RALGAPA2: variants seen among roughly 807,000 people sequenced by gnomAD.
The protein encoded by RALGAPA2 is ral GTPase-activating protein subunit alpha-2.
In RALGAPA2, 139 loss-of-function variants were observed where a neutral mutation model predicts 230.4. That is an observed-to-expected ratio of 0.60 (90% CI 0.53 to 0.69). The LOEUF is 0.69. Ranked by LOEUF, RALGAPA2 falls within the 30% of genes least tolerant of loss-of-function variation. The pLI, the probability that RALGAPA2 is intolerant of heterozygous loss-of-function variation, is 0.00. For missense variants in RALGAPA2, 2,163 were observed against 2,276.0 expected, an observed-to-expected ratio of 0.95 and a Z score of 1.01; for synonymous variants, 847 against 837.8, an observed-to-expected ratio of 1.01 and a Z score of -0.19.
Position 20,680,758 on chromosome 20 carries a change from G to C in RALGAPA2, c.150C>G (p.Asn50Lys), listed in dbSNP as rs931417635. The C allele has an allele frequency of 1.9e-6, 3 of 1,587,230 alleles. No individual in the cohort carries two copies. Among genetic ancestry groups the C allele is most frequent in the African/African-American group, 2.7e-5 (2 of 73,390 alleles). ...ANDLKQFFET[N>K]YSQIYFIFYE... ...AGAAGATGAAATATATCTGAGAATAGTTGGTCTCAAAAAACTGCTTAAGAT... is the reference window on the plus strand; with the variant it reads ...AGAAGATGAAATATATCTGAGAATACTTGGTCTCAAAAAACTGCTTAAGAT... Residue 50 changes from asparagine to lysine, a missense_variant, in exon 2 of 40, where the codon AAC (asparagine) becomes AAG (lysine). Coordinates refer to ENST00000202677, the MANE Select transcript of RALGAPA2 (RefSeq NM_020343.4).
intron 37 of RALGAPA2, among the ~76,000 whole-genome samples, chr20:20,423,382 C>T (rs560057290): frequency 6.6e-6 from 1 of 152,214 alleles, no homozygotes; most frequent in Non-Finnish European, 1.5e-5. Context: ...CCACCCCCAC[C>T]CCCACCAGAG....
intron 24 of RALGAPA2, among the ~76,000 whole-genome samples, chr20:20,541,985 G>A (rs767007117): frequency 7.2e-5 from 11 of 152,158 alleles, no homozygotes; most frequent in Non-Finnish European, 1.3e-4. Flanking sequence ...GTTTGCAGAT[G>A]ACATGATTGT....
chr20:20,700,025 C>T (rs1325017603), intron 1 of RALGAPA2, among the ~76,000 whole-genome samples: 1 of 152,034 alleles, frequency 6.6e-6, no homozygotes, highest in Admixed American at 6.6e-5. Flanking sequence ...CATTGCCATG[C>T]GATTCACAAC....
At chr20:20,693,145 C>T (rs1463442563) in intron 1 of RALGAPA2, among the ~76,000 whole-genome samples, 1 of 152,160 alleles carries the variant, frequency 6.6e-6, no homozygotes, top group African/African-American at 2.4e-5. Flanking sequence ...TAAATAGTAA[C>T]ACTCCATTAT....
intron 3 of RALGAPA2, among the ~76,000 whole-genome samples, chr20:20,657,172 C>G (rs115516993): frequency 6.6e-6 from 1 of 152,170 alleles, no homozygotes; most frequent in South Asian, 2.1e-4. Context: ...AGGGAAAAGA[C>G]GGCAGCAAGA....
intron 34 of RALGAPA2, among the ~76,000 whole-genome samples, chr20:20,504,613 C>T (rs971396667): frequency 1.3e-5 from 2 of 151,992 alleles, no homozygotes; most frequent in African/African-American, 4.8e-5. Context: ...GTAGTCCCAG[C>T]TACTTGGGAG....
At chr20:20,539,430 A>G (rs2063580780) in intron 24 of RALGAPA2, among the ~76,000 whole-genome samples, 1 of 152,164 alleles carries the variant, frequency 6.6e-6, no homozygotes, top group Non-Finnish European at 1.5e-5. Flanking sequence ...CTCTTTTTAA[A>G]AAAACATTTT....
chr20:20,476,808 A>G (rs1236245531), intron 36 of RALGAPA2, among the ~76,000 whole-genome samples: 1 of 152,072 alleles, frequency 6.6e-6, no homozygotes, highest in East Asian at 1.9e-4. Flanking sequence ...CACCAAACAG[A>G]ACATAGCCAC....
chr20:20,645,063 C>A (rs1044916123), intron 4 of RALGAPA2, among the ~76,000 whole-genome samples: 2 of 151,428 alleles, frequency 1.3e-5, no homozygotes, highest in Non-Finnish European at 2.9e-5. Context: ...TTAGTCCTTC[C>A]CCTTGTTAAG....
chr20:20,677,764 C>T (rs1231643981), intron 2 of RALGAPA2, among the ~76,000 whole-genome samples: 1 of 150,894 alleles, frequency 6.6e-6, no homozygotes, highest in Non-Finnish European at 1.5e-5. Context: ...CTGCCTCAGC[C>T]TCCCAAGTAG....
chr20:20,478,399 A>G (rs1048790173), intron 36 of RALGAPA2, among the ~76,000 whole-genome samples: 6 of 152,182 alleles, frequency 3.9e-5, no homozygotes, highest in African/African-American at 1.4e-4. Context: ...GTAGAAGGAA[A>G]GAACTAATAA....
intron 37 of RALGAPA2, among the ~76,000 whole-genome samples, chr20:20,468,969 G>T (rs947211452): frequency 3.3e-5 from 5 of 151,284 alleles, no homozygotes; most frequent in African/African-American, 1.2e-4. Context: ...GTGTTTGTGT[G>T]TGTGTGTGTG....
intron 38 of RALGAPA2, among the ~76,000 whole-genome samples, chr20:20,409,224 G>A (rs1045645065): frequency 2.6e-5 from 4 of 152,184 alleles, no homozygotes; most frequent in Non-Finnish European, 4.4e-5. Flanking sequence ...CCCACCGAGT[G>A]CATCTCCCAC....
intron 3 of RALGAPA2, among the ~76,000 whole-genome samples, chr20:20,654,730 C>T (rs1043700060): frequency 9.9e-5 from 15 of 152,192 alleles, no homozygotes; most frequent in South Asian, 2.1e-4. Context: ...CTTCTGCATA[C>T]TGATTTTAAT....
intron 35 of RALGAPA2, among the ~76,000 whole-genome samples, chr20:20,503,016 G>A (rs1468024254): frequency 3.3e-5 from 5 of 152,166 alleles, no homozygotes; most frequent in African/African-American, 9.7e-5. Flanking sequence ...CTGCACACCT[G>A]CACTTATGTT....
At position 20,601,794 on chromosome 20, in the gene RALGAPA2, G is replaced by A. The variant is rs955797802; in HGVS notation, c.2091C>T (p.Leu697=). 2.5e-6 allele frequency: 4 copies of A among 1,613,460 alleles called. No homozygotes were observed. The highest frequency in any genetic ancestry group is 3.4e-6 in the Non-Finnish European group (4 of 1,179,666). Residue 697 remains leucine, a synonymous_variant, in exon 16 of 40, where the codon CTC becomes CTT. Coordinates refer to ENST00000202677, the MANE Select transcript of RALGAPA2 (RefSeq NM_020343.4). The part of the protein sequence containing the change: ...KGTTVGRSFS[L]SWRSHPDVTE... ...TCACATCTGGGTGGCTCCGCCAGCT[G>A]AGAGAAAAGGACCTCCCCACGGTGG... is the stretch of plus-strand genomic sequence containing the variant.
chr20:20,599,456 A>G (rs1170857846), intron 16 of RALGAPA2, among the ~76,000 whole-genome samples: 6 of 152,222 alleles, frequency 3.9e-5, no homozygotes, highest in Non-Finnish European at 8.8e-5. Flanking sequence ...TCAAATAAAT[A>G]TTGGAGGAAT....
At chr20:20,471,518 T>C (rs2061540852) in intron 37 of RALGAPA2, 1 of 150,376 alleles carries the variant, frequency 6.6e-6, no homozygotes, top group Admixed American at 6.7e-5. Flanking sequence ...AATCGCTGAA[T>C]AGTTCTTTCT....
chr20:20,570,403 T>C (rs898165776), intron 23 of RALGAPA2, among the ~76,000 whole-genome samples: 1 of 152,220 alleles, frequency 6.6e-6, no homozygotes, highest in African/African-American at 2.4e-5. Flanking sequence ...GGTCTGTGTG[T>C]CTGCATCATA....
Sources: allele counts gnomAD v4.1 joint callset (sites outside exome capture counted in the v4.1 genomes callset), GRCh38; gene constraint gnomAD v4.1.1; transcripts MANE v1.5; gene names NCBI Gene and HGNC (gene_info 2026-07-23, HGNC 2026-07-21).